The following FUCA1 variants were observed in gnomAD, a reference collection of about 807,000 sequenced individuals.
The protein encoded by FUCA1 is alpha-L-fucosidase 1, also known as tissue alpha-L-fucosidase.
In FUCA1, 52 loss-of-function variants were observed where a neutral mutation model predicts 56.8. The observed-to-expected ratio is 0.92, with a 90% CI of 0.73 to 1.15. The LOEUF (loss-of-function observed/expected upper bound fraction) is 1.15. FUCA1 is among the 50% of genes most tolerant of loss of function. The pLI, the probability that FUCA1 is intolerant of heterozygous loss-of-function variation, is 0.00. For synonymous variants in FUCA1, 230 were observed against 226.6 expected (o/e 1.02, Z -0.14); for missense variants, 568 against 592.6 (o/e 0.96, Z 0.43).
chr1:23,853,974 A>C (rs1431514175), intron 5 of FUCA1, among the ~76,000 whole-genome samples: 1 of 150,560 alleles, frequency 6.6e-6, no homozygotes. Flanking sequence ...ACCTTTGTTC[A>C]CTTGTTTATC....
intron 2 of FUCA1, among the ~76,000 whole-genome samples, chr1:23,864,773 T>C (rs1361248932): frequency 6.6e-6 from 1 of 151,670 alleles, no homozygotes; most frequent in Non-Finnish European, 1.5e-5. Context: ...GGTGCGATCT[T>C]GGCTCACTGC....
rs187764671 is a variant in FUCA1 at position 23,861,179 on chromosome 1, C to T, written c.663-1276G>A. On this transcript the variant is annotated intron_variant, in intron 3 of 7. Coordinates refer to ENST00000374479, the MANE Select transcript of FUCA1 (RefSeq NM_000147.5). ...TCTACTAAAAATACAAAAAATTAGC[C>T]GGGCATGGTGGCGGGCGCCTGTAGT... Among the ~76,000 whole-genome samples, 265 of 151,602 alleles carry T rather than the reference C, an allele frequency of 1.7e-3. 1 individual carries two copies. The highest frequency in any genetic ancestry group is 3.1e-3 in the Non-Finnish European group (207 of 67,864).
At chr1:23,861,205 C>T (rs1334354953) in intron 3 of FUCA1, among the ~76,000 whole-genome samples, 2 of 151,458 alleles carry the variant, frequency 1.3e-5, no homozygotes, top group Admixed American at 6.6e-5. Context: ...CGCCTGTAGT[C>T]CCAGCTACTT....
At chr1:23,858,364 G>A (rs1311819861) in intron 4 of FUCA1, among the ~76,000 whole-genome samples, 1 of 152,200 alleles carries the variant, frequency 6.6e-6, no homozygotes, top group African/African-American at 2.4e-5. Context: ...ACTGCACCTG[G>A]CCAAGACCCT....
chr1:23,855,840 T>A (rs1297557904), intron 4 of FUCA1, among the ~76,000 whole-genome samples: 1 of 152,178 alleles, frequency 6.6e-6, no homozygotes, highest in Non-Finnish European at 1.5e-5. Flanking sequence ...ATTCAACACC[T>A]ACCCATCCGC....
intron 2 of FUCA1, among the ~76,000 whole-genome samples, chr1:23,863,759 G>A (rs1419801096): frequency 6.6e-6 from 1 of 152,148 alleles, no homozygotes; most frequent in African/African-American, 2.4e-5. Flanking sequence ...GGCTAAAGTG[G>A]GAGGATGGCT....
At chr1:23,859,063 T>C (rs1639453451) in intron 4 of FUCA1, among the ~76,000 whole-genome samples, 1 of 152,094 alleles carries the variant, frequency 6.6e-6, no homozygotes, top group Non-Finnish European at 1.5e-5. Context: ...ATTACAGGCA[T>C]GAGCTGCTAT....
rs749405772 is a variant in FUCA1 at position 23,846,177 on chromosome 1, G to A, written c.1161-4C>T. 1 of 1,602,728 alleles carries A rather than the reference G, an allele frequency of 6.2e-7. No homozygotes were observed. Among genetic ancestry groups the A allele is most frequent in the Non-Finnish European group, 8.5e-7 (1 of 1,169,802 alleles). ...AGCCGATCCCTTTGAGGTATACCTG[G>A]GAAAACAGAAACAACACTGTCAAAG... is the stretch of plus-strand genomic sequence containing the variant. On this transcript the variant is annotated splice_region_variant and splice_polypyrimidine_tract_variant and intron_variant, in intron 6 of 7. Coordinates refer to ENST00000374479, the MANE Select transcript of FUCA1 (RefSeq NM_000147.5).
At chr1:23,854,156 A>G (rs964111483) in intron 5 of FUCA1, among the ~76,000 whole-genome samples, 1 of 152,042 alleles carries the variant, frequency 6.6e-6, no homozygotes, top group African/African-American at 2.4e-5. Context: ...ACACCGTTAA[A>G]GCCCTTTTGC....
chr1:23,863,301 C>T, intron 2 of FUCA1, 30 bp from the exon 3 acceptor site: 1 of 1,606,758 alleles, frequency 6.2e-7, no homozygotes, highest in Non-Finnish European at 8.5e-7. Flanking sequence ...CAGCAACTGT[C>T]ATTAAGCATA....
At position 23,854,514 on chromosome 1, in the gene FUCA1, T is replaced by C; in HGVS notation, c.815A>G (p.His272Arg). 1 of 1,613,984 alleles carries C rather than the reference T, an allele frequency of 6.2e-7. No homozygotes were observed. Among genetic ancestry groups the C allele is most frequent in the East Asian group, 2.2e-5 (1 of 44,882 alleles). The change falls in exon 5 of 8, where the codon CAC (histidine) becomes CGC (arginine). Residue 272 changes from histidine (H) to arginine (R), a missense_variant. By Grantham distance (29) the His-to-Arg change is conservative. Coordinates refer to ENST00000374479, the MANE Select transcript of FUCA1 (RefSeq NM_000147.5). ...TTCACAGTTATAGTATCCTCCATGGTGACAGGAACAGTTCTGACCCCATCG... is the reference window on the plus strand; with the variant it reads ...TTCACAGTTATAGTATCCTCCATGGCGACAGGAACAGTTCTGACCCCATCG... ...NDRWGQNCSC[H>R]HGGYYNCEDK... is the part of the protein sequence containing the mutation.
chr1:23,867,789 G>A lies in FUCA1; in HGVS notation c.389+109C>T. Reference sequence around the variant, plus strand: ...CCGCAGGAGGCCACACGCGGGCCCCGGGGTCATGGGGGCGACCGGCAGCTG... The same window carrying A: ...CCGCAGGAGGCCACACGCGGGCCCCAGGGTCATGGGGGCGACCGGCAGCTG... On this transcript the variant is annotated intron_variant, in intron 1 of 7. Transcript: ENST00000374479. This position sits in a 1 kb window ranked among gnomAD's most constrained non-coding sequence, Gnocchi z 4.9. 13 of 1,435,720 alleles carry A rather than the reference G, an allele frequency of 9.1e-6. No homozygotes were observed. Among genetic ancestry groups the A allele is most frequent in the Non-Finnish European group, 1.2e-5 (13 of 1,103,994 alleles). 88.9% of individuals were successfully genotyped at this position (1,435,720 alleles called of 1,614,324 possible).
chr1:23,852,817 C>G (rs528829799), intron 5 of FUCA1, among the ~76,000 whole-genome samples: 1,708 of 151,326 alleles, frequency 0.011, 42 homozygotes, highest in African/African-American at 0.038. Context: ...GCGTGATCTC[C>G]GCTCGCTACA....
intron 1 of FUCA1, among the ~76,000 whole-genome samples, chr1:23,866,061 C>A (rs1049240431): frequency 6.6e-6 from 1 of 152,194 alleles, no homozygotes; most frequent in South Asian, 2.1e-4. Flanking sequence ...CCTGTAATCC[C>A]AGCACTTTGG....
chr1:23,845,498 T>C lies in FUCA1; in HGVS notation c.*217A>G. ...AGAGTTCAACTGCTCAGTTCCTTCT[T>C]CTGCTGACCTGATACAGATATAATC... On this transcript the variant is annotated 3_prime_UTR_variant, in exon 8 of 8. Coordinates refer to ENST00000374479, the MANE Select transcript of FUCA1 (RefSeq NM_000147.5). 1.7e-6 allele frequency: 1 copy of C among 598,588 alleles called. No homozygotes were observed. The highest frequency in any genetic ancestry group is 3.0e-6 in the Non-Finnish European group (1 of 337,412). 37.1% of individuals were successfully genotyped at this position (598,588 alleles called of 1,614,324 possible).
intron 6 of FUCA1, 93 bp downstream of exon 6, chr1:23,848,556 C>G (rs1222061415): frequency 7.8e-7 from 1 of 1,274,556 alleles, no homozygotes; most frequent in Admixed American, 1.7e-5. Context: ...AAGGCAACTT[C>G]CAGCCTGGCT....
intron 2 of FUCA1, among the ~76,000 whole-genome samples, chr1:23,863,847 G>A (rs144075983): frequency 3.9e-5 from 6 of 152,098 alleles, no homozygotes; most frequent in African/African-American, 1.4e-4. Context: ...GTGAGACCCT[G>A]TCTCAAAACA....
At position 23,859,868 on chromosome 1, in the gene FUCA1, C is replaced by T. The variant is rs1441298926; in HGVS notation, c.698G>A (p.Trp233Ter). The change falls in exon 4 of 8, where the codon TGG becomes TAG. Residue 233 changes from tryptophan (W) to a stop codon, truncating the protein, a stop_gained. Transcript: ENST00000374479. LOFTEE classifies it high-confidence loss of function. ...GTTCCAGTAAGTATCAGGACATTCCCACTCCCCATCAGACCAGATCAGATC... is the reference window on the plus strand; with the variant it reads ...GTTCCAGTAAGTATCAGGACATTCCTACTCCCCATCAGACCAGATCAGATC... ...KPDLIWSDGE[W>*]ECPDTYWNST... 1.2e-6 allele frequency: 2 copies of T among 1,613,238 alleles called. No homozygotes were observed. The highest frequency in any genetic ancestry group is 4.5e-5 in the East Asian group (2 of 44,866).
At chr1:23,852,040 A>G (rs1022824191) in intron 5 of FUCA1, among the ~76,000 whole-genome samples, 1 of 151,298 alleles carries the variant, frequency 6.6e-6, no homozygotes, top group Non-Finnish European at 1.5e-5. Context: ...AAAAAGAGGA[A>G]AAAAATAATT....
Sources: allele counts gnomAD v4.1 joint callset (sites outside exome capture counted in the v4.1 genomes callset), GRCh38; gene constraint gnomAD v4.1.1; non-coding constraint Gnocchi (gnomAD v3.1); transcripts MANE v1.5; gene names NCBI Gene and HGNC (gene_info 2026-07-23, HGNC 2026-07-21).